Variants in CHMP2B observed in about 807,000 individuals in gnomAD.
The protein encoded by CHMP2B is charged multivesicular body protein 2B.
In CHMP2B, 22 loss-of-function variants were observed where a neutral mutation model predicts 29.8. That is an observed-to-expected ratio of 0.74 (90% CI 0.53 to 1.05). The LOEUF is 1.05. CHMP2B is among the 50% of genes least tolerant of loss of function. The probability of loss-of-function intolerance (pLI) is 0.00; values close to 1 mark genes in which losing one functional copy is unlikely to be tolerated. For missense variants in CHMP2B, 261 were observed against 252.2 expected, an observed-to-expected ratio of 1.03 and a Z score of -0.24; for synonymous variants, 78 against 75.8, an observed-to-expected ratio of 1.03 and a Z score of -0.15.
intron 4 of CHMP2B, chr3:87,253,160 TAA>T (rs1490796364): frequency 7.7e-6 from 3 of 387,110 alleles, no homozygotes; most frequent in Non-Finnish European, 1.4e-5. Context: ...ATTAATTTTT[TAA>T]AAAAGAGTAG....
intron 1 of CHMP2B, among the ~76,000 whole-genome samples, chr3:87,229,219 G>C (rs574800785): frequency 6.6e-6 from 1 of 152,184 alleles, no homozygotes; most frequent in South Asian, 2.1e-4. Context: ...TTGAAGTGTA[G>C]AGGAGAGAAA....
intron 2 of CHMP2B, among the ~76,000 whole-genome samples, chr3:87,241,792 G>T (rs1706123409): frequency 6.6e-6 from 1 of 152,070 alleles, no homozygotes; most frequent in Admixed American, 6.6e-5. Flanking sequence ...TTGTGAACAT[G>T]GTTTTCATTT....
chr3:87,237,579 A>G (rs970452825), intron 1 of CHMP2B, among the ~76,000 whole-genome samples: 15 of 152,208 alleles, frequency 9.9e-5, no homozygotes, highest in Admixed American at 2.0e-4. Flanking sequence ...GTTCCAATCC[A>G]TGCTCTAGGG....
rs1335954545 is a variant in CHMP2B, at chr3:87,227,434, C to T, written c.-89C>T. 1 of 1,529,088 alleles carries T rather than the reference C, an allele frequency of 6.5e-7. No individual in the cohort carries two copies. The highest frequency in any genetic ancestry group is 1.4e-5 in the African/African-American group (1 of 73,214). The allele number at this position is 1,529,088 out of a possible 1,614,324, so 94.7% of individuals were successfully genotyped here. A position where few individuals can be genotyped will look rare whatever the true frequency, so the allele number is the denominator to read the frequency against. ...GTCTCTCCGCTCCGCCACCCCGAAC[C>T]CGCCAAGGTCCTGTCCTTTTCCTCC... is the stretch of plus-strand genomic sequence containing the variant. On this transcript the variant is annotated 5_prime_UTR_variant, in exon 1 of 6. Coordinates refer to ENST00000263780, the MANE Select transcript of CHMP2B (RefSeq NM_014043.4).
At chr3:87,232,454 A>G (rs1249475738) in intron 1 of CHMP2B, among the ~76,000 whole-genome samples, 1 of 152,124 alleles carries the variant, frequency 6.6e-6, no homozygotes, top group African/African-American at 2.4e-5. Context: ...CTTATTCTGG[A>G]TATTTAAAAA....
Position 87,253,798 on chromosome 3 carries a change from A to T in CHMP2B, c.618A>T (p.Gln206His), listed in dbSNP as rs63751126. The part of the protein sequence containing the change: ...ATISDEEIER[Q>H]LKALGVD The stretch of plus-strand genomic sequence containing the variant: ...TCTCAGATGAAGAGATTGAACGGCA[A>T]CTCAAGGCTTTAGGAGTAGATTAGT... The change falls in exon 6 of 6, where the codon CAA (glutamine) becomes CAT (histidine). Residue 206 changes from glutamine to histidine, a missense_variant. Gln to His is a conservative substitution (Grantham distance 24). Coordinates refer to ENST00000263780, the MANE Select transcript of CHMP2B (RefSeq NM_014043.4). 3 of 1,612,040 alleles carry T rather than the reference A, an allele frequency of 1.9e-6. No homozygotes were observed. The highest frequency in any genetic ancestry group is 2.5e-6 in the Non-Finnish European group (3 of 1,178,530).
intron 3 of CHMP2B, among the ~76,000 whole-genome samples, chr3:87,246,320 T>C (rs1706212778): frequency 6.6e-6 from 1 of 152,110 alleles, no homozygotes; most frequent in Middle Eastern, 3.4e-3. Context: ...GTATTTTTAG[T>C]AGAGACGAGG....
intron 1 of CHMP2B, among the ~76,000 whole-genome samples, chr3:87,239,072 T>G (rs1416898752): frequency 6.6e-6 from 1 of 152,178 alleles, no homozygotes; most frequent in African/African-American, 2.4e-5. Flanking sequence ...TGTATCTTCT[T>G]TGGCAAAACG....
In CHMP2B at chr3:87,227,558, T is replaced by G. The variant is rs1575959785; in HGVS notation, c.34+2T>G. The G allele has an allele frequency of 6.2e-7, 1 of 1,614,056 alleles. No homozygotes were observed. The highest frequency in any genetic ancestry group is 8.5e-7 in the Non-Finnish European group (1 of 1,179,996). On this transcript the variant is annotated splice_donor_variant, in intron 1 of 5. Coordinates refer to ENST00000263780, the MANE Select transcript of CHMP2B (RefSeq NM_014043.4). LOFTEE classifies it high-confidence loss of function. ...TCTTCAAGAAGAAAACCGTGGATGG[T>G]GAGTTCCAGGCCGGGCTGAAGGGGC... is the stretch of plus-strand genomic sequence containing the variant.
intron 4 of CHMP2B, among the ~76,000 whole-genome samples, chr3:87,252,373 T>A (rs1320873268): frequency 6.8e-6 from 1 of 146,114 alleles, no homozygotes; most frequent in African/African-American, 2.5e-5. Context: ...GCTGCTTTAA[T>A]TTTTTTTTTT....
chr3:87,254,019 T>C lies in CHMP2B; in HGVS notation c.*197T>C. The C allele has an allele frequency of 3.9e-6, 2 of 514,958 alleles. No individual in the cohort carries two copies. The highest frequency in any genetic ancestry group is 7.0e-6 in the Non-Finnish European group (2 of 285,696). The allele number at this position is 514,958 out of a possible 1,614,324, so 31.9% of individuals were successfully genotyped here. ...ACAATGATGCAAAAATGGGAACAGT[T>C]TGGATTTTAATTAGAACTGTTTAGG... On this transcript the variant is annotated 3_prime_UTR_variant, in exon 6 of 6. Coordinates refer to ENST00000263780, the MANE Select transcript of CHMP2B (RefSeq NM_014043.4).
intron 4 of CHMP2B, among the ~76,000 whole-genome samples, chr3:87,251,515 G>A (rs1706312568): frequency 6.6e-6 from 1 of 151,890 alleles, no homozygotes; most frequent in African/African-American, 2.4e-5. Context: ...TACATTACAA[G>A]TTAGTCTGTA....
rs1706067406 is a variant in CHMP2B, at chr3:87,239,038, T to TCTC, written c.35-1661_35-1660insCTC. Among the ~76,000 whole-genome samples, 5 of 152,274 alleles carry TCTC rather than the reference T, an allele frequency of 3.3e-5. No individual in the cohort carries two copies. The South Asian group carries it at 1.0e-3, about 32-fold the overall frequency. On this transcript the variant is annotated intron_variant, in intron 1 of 5. Transcript: ENST00000263780. ...TAGGACTAATGTTGTGGAGCACACTTTTTATGTGTTCATTGGCCATTTGTG... is the reference window on the plus strand; with the variant it reads ...TAGGACTAATGTTGTGGAGCACACTTCTCTTTATGTGTTCATTGGCCATTTGTG...
At chr3:87,236,277 A>G (rs756167885) in intron 1 of CHMP2B, among the ~76,000 whole-genome samples, 3 of 152,138 alleles carry the variant, frequency 2.0e-5, no homozygotes, top group Non-Finnish European at 4.4e-5. Context: ...TACCCCATAT[A>G]CTCAGATATG....
At chr3:87,251,993 T>G (rs1575971797) in intron 4 of CHMP2B, among the ~76,000 whole-genome samples, 1 of 152,078 alleles carries the variant, frequency 6.6e-6, no homozygotes, top group East Asian at 1.9e-4. Context: ...TTTGAGCATA[T>G]TGACTAAATT....
At chr3:87,245,964 A>G in intron 3 of CHMP2B, 56 bp downstream of exon 3, 1 of 1,418,910 alleles carries the variant, frequency 7.0e-7, no homozygotes, top group South Asian at 1.2e-5. Context: ...ATATTTAAAT[A>G]TCAATATTGA....
intron 1 of CHMP2B, among the ~76,000 whole-genome samples, chr3:87,232,320 G>A (rs1400594281): frequency 6.6e-6 from 1 of 152,076 alleles, no homozygotes; most frequent in Non-Finnish European, 1.5e-5. Flanking sequence ...ATGTTAAAAG[G>A]AAATAAAACG....
chr3:87,250,585 C>T (rs1420826026), intron 4 of CHMP2B, among the ~76,000 whole-genome samples: 1 of 151,822 alleles, frequency 6.6e-6, no homozygotes. Context: ...TTTTTAAAAA[C>T]ATAATAGTAT....
At chr3:87,244,629 C>CTT (rs1305955616) in intron 2 of CHMP2B, among the ~76,000 whole-genome samples, 10 of 151,772 alleles carry the variant, frequency 6.6e-5, no homozygotes. Context: ...TTCTGATTTT[C>CTT]TTTTCATATT....
Sources: allele counts gnomAD v4.1 joint callset (sites outside exome capture counted in the v4.1 genomes callset), GRCh38; gene constraint gnomAD v4.1.1; transcripts MANE v1.5; gene names NCBI Gene and HGNC (gene_info 2026-07-23, HGNC 2026-07-21).